Variants in LPAR6 observed in about 807,000 individuals in gnomAD.
LPAR6 encodes the protein lysophosphatidic acid receptor 6.
In LPAR6, 17 loss-of-function variants were observed where a neutral mutation model predicts 22.0. The ratio of observed to expected loss-of-function variants is 0.77; its 90% confidence interval spans 0.53 to 1.16. The LOEUF is 1.16. Ranked by LOEUF, LPAR6 falls within the 50% of genes most tolerant of loss-of-function variation. LPAR6 has a pLI of 0.00. For missense variants in LPAR6, 384 were observed against 406.9 expected, an observed-to-expected ratio of 0.94 and a Z score of 0.48; for synonymous variants, 136 against 139.8, an observed-to-expected ratio of 0.97 and a Z score of 0.19.
intron 1 of LPAR6, among the ~76,000 whole-genome samples, chr13:48,436,172 T>C (rs939370151): frequency 6.6e-6 from 1 of 152,206 alleles, no homozygotes; most frequent in African/African-American, 2.4e-5. Flanking sequence ...AAAGACCATC[T>C]CATAGCTGGT....
upstream of LPAR6, among the ~76,000 whole-genome samples, chr13:48,414,342 C>CAA (rs199626771): frequency 3.2e-5 from 3 of 93,108 alleles, no homozygotes; most frequent in Non-Finnish European, 7.0e-5. Context: ...GAGACTATCT[C>CAA]AAAAAAAAAA....
chr13:48,423,184 A>C (rs966179113), intron 1 of LPAR6, among the ~76,000 whole-genome samples: 2 of 152,186 alleles, frequency 1.3e-5, no homozygotes, highest in African/African-American at 4.8e-5. Flanking sequence ...TCATTATGTA[A>C]TGCATCGGTT....
At chr13:48,431,387 CA>C (rs1020546261), upstream of LPAR6, among the ~76,000 whole-genome samples, 3 of 151,972 alleles carry the variant, frequency 2.0e-5, no homozygotes, top group African/African-American at 4.8e-5. Flanking sequence ...TGCTTAAAAC[CA>C]AAAACATATT....
chr13:48,425,516 G>A (rs751364103), intron 1 of LPAR6, among the ~76,000 whole-genome samples: 18 of 152,202 alleles, frequency 1.2e-4, no homozygotes, highest in Non-Finnish European at 2.9e-5. Context: ...GCTGCAAAGT[G>A]TAATGAAAGG....
At chr13:48,401,986 A>C (rs1948696300) in intron 1 of LPAR6, among the ~76,000 whole-genome samples, 1 of 152,124 alleles carries the variant, frequency 6.6e-6, no homozygotes, top group Non-Finnish European at 1.5e-5. Context: ...TAATTGTCTA[A>C]AAGTTTTTAA....
chr13:48,423,617 C>T lies in LPAR6; in HGVS notation c.-1094-827G>A, dbSNP rs58001261. ...CGATTAAAACTTTAAAGAATTCTCT[C>T]ATTAAAAGTTTCGAAGGCCATAATT... On this transcript the variant is annotated intron_variant, in intron 1 of 4. Transcript: ENST00000345941. Among the ~76,000 whole-genome samples, 1,764 of 152,112 alleles carry T rather than the reference C, an allele frequency of 0.012. 67 individuals are homozygous for T. In the East Asian group the frequency reaches 0.12, roughly 10 times the overall value.
At chr13:48,443,906 A>G (rs1167658943) in intron 1 of LPAR6, among the ~76,000 whole-genome samples, 1 of 152,172 alleles carries the variant, frequency 6.6e-6, no homozygotes, top group East Asian at 1.9e-4. Context: ...TGTGTAGGAA[A>G]AAACTCTCTC....
At chr13:48,401,379 C>T (rs1027982254) in intron 1 of LPAR6, 2 of 152,048 alleles carry the variant, frequency 1.3e-5, no homozygotes, top group African/African-American at 2.4e-5. Context: ...TAGGAGAAAT[C>T]GATCCTAATT....
At chr13:48,420,744 T>A (rs138687108) in intron 2 of LPAR6, among the ~76,000 whole-genome samples, 1,649 of 151,978 alleles carry the variant, frequency 0.011, 30 homozygotes, top group African/African-American at 0.038. Flanking sequence ...ACAACAATAA[T>A]AGACAAACAG....
chr13:48,413,474 G>A (rs934688285), upstream of LPAR6, among the ~76,000 whole-genome samples: 3 of 152,186 alleles, frequency 2.0e-5, no homozygotes, highest in African/African-American at 4.8e-5. Flanking sequence ...GTATGGGTGT[G>A]TATTTATAAA....
intron 1 of LPAR6, among the ~76,000 whole-genome samples, chr13:48,393,441 GT>G (rs1172288928): frequency 1.3e-5 from 2 of 152,084 alleles, no homozygotes; most frequent in African/African-American, 2.4e-5. Flanking sequence ...CTCACCATTT[GT>G]TTTCCTTCTC....
upstream of LPAR6, among the ~76,000 whole-genome samples, chr13:48,430,321 A>T (rs1949116055): frequency 6.6e-6 from 1 of 152,226 alleles, no homozygotes; most frequent in African/African-American, 2.4e-5. Flanking sequence ...TGAAAAAAAG[A>T]GGTAGACTTT....
At chr13:48,421,940 A>G (rs563574779) in intron 2 of LPAR6, among the ~76,000 whole-genome samples, 2 of 152,178 alleles carry the variant, frequency 1.3e-5, no homozygotes, top group Non-Finnish European at 1.5e-5. Context: ...TAGTTCAACC[A>G]TTGTGGAAGA....
chr13:48,413,549 G>A (rs1422257444), upstream of LPAR6, among the ~76,000 whole-genome samples: 1 of 152,026 alleles, frequency 6.6e-6, no homozygotes, highest in African/African-American at 2.4e-5. Context: ...ATGAAACAGG[G>A]GCCTTTAACC....
At chr13:48,424,966 A>C (rs1446718734) in intron 1 of LPAR6, among the ~76,000 whole-genome samples, 4 of 152,142 alleles carry the variant, frequency 2.6e-5, no homozygotes, top group Non-Finnish European at 4.4e-5. Context: ...AGGCAGGAGA[A>C]TCACTTGAAC....
At chr13:48,439,515 A>C (rs1047983586) in intron 1 of LPAR6, 1 of 152,192 alleles carries the variant, frequency 6.6e-6, no homozygotes, top group African/African-American at 2.4e-5. Context: ...ACCAGTCCAC[A>C]CAACATTTTT....
chr13:48,396,476 C>T (rs1365493500), intron 1 of LPAR6, among the ~76,000 whole-genome samples: 1 of 152,172 alleles, frequency 6.6e-6, no homozygotes, highest in Non-Finnish European at 1.5e-5. Context: ...CCCTTCCTTA[C>T]ACCTTATACA....
At chr13:48,395,076 C>T (rs1214966255) in intron 1 of LPAR6, among the ~76,000 whole-genome samples, 3 of 80,986 alleles carry the variant, frequency 3.7e-5, no homozygotes, top group Non-Finnish European at 8.4e-5. Flanking sequence ...TGCTCTTCTG[C>T]AACCTCCACT....
chr13:48,391,465 CTTT>C (rs1948610078), intron 1 of LPAR6: 1 of 151,834 alleles, frequency 6.6e-6, no homozygotes, highest in South Asian at 2.1e-4. Flanking sequence ...GACTGTAAAA[CTTT>C]TTTTGGCCAG....
Sources: allele counts gnomAD v4.1 joint callset (sites outside exome capture counted in the v4.1 genomes callset), GRCh38; gene constraint gnomAD v4.1.1; transcripts MANE v1.5; gene names NCBI Gene and HGNC (gene_info 2026-07-23, HGNC 2026-07-21).